The following HPSE2 variants were observed in gnomAD, a reference collection of about 807,000 sequenced individuals.
The protein encoded by HPSE2 is inactive heparanase-2.
A neutral mutation model predicts 60.5 loss-of-function variants in HPSE2; 38 were observed. That is an observed-to-expected ratio of 0.63 (90% CI 0.48 to 0.82). The LOEUF (loss-of-function observed/expected upper bound fraction) is 0.82, where lower values mean the gene tolerates loss of function less well. Ranked by LOEUF, HPSE2 falls within the 40% of genes least tolerant of loss-of-function variation. The pLI is 0.00. For synonymous variants in HPSE2, 295 were observed against 293.2 expected (o/e 1.01, Z -0.06); for missense variants, 713 against 740.4 (o/e 0.96, Z 0.43).
At chr10:98,788,492 T>C (rs994974298) in intron 3 of HPSE2, among the ~76,000 whole-genome samples, 1 of 143,060 alleles carries the variant, frequency 7.0e-6, no homozygotes, top group African/African-American at 2.6e-5. Flanking sequence ...GCTTCCCGGC[T>C]GCTTTGTTTA....
intron 5 of HPSE2, among the ~76,000 whole-genome samples, chr10:98,705,598 C>T (rs993702504): frequency 1.3e-5 from 2 of 152,118 alleles, no homozygotes; most frequent in East Asian, 3.9e-4. Flanking sequence ...AAATCATGTC[C>T]TTTGCAGTGA....
At chr10:99,277,513 A>G in the HPSE2 span, among the ~76,000 whole-genome samples, 1 of 152,240 alleles carries the variant, frequency 6.6e-6, no homozygotes, top group Non-Finnish European at 1.5e-5. Flanking sequence ...AGACAGAAAT[A>G]GTGGAAGAGT....
chr10:98,977,890 A>G (rs541314763), intron 3 of HPSE2, among the ~76,000 whole-genome samples: 6 of 151,398 alleles, frequency 4.0e-5, no homozygotes, highest in Non-Finnish European at 8.8e-5. Flanking sequence ...ATGTATATAA[A>G]TTATATACTA....
chr10:98,746,085 A>C (rs1949621410), intron 3 of HPSE2, among the ~76,000 whole-genome samples: 1 of 152,148 alleles, frequency 6.6e-6, no homozygotes, highest in South Asian at 2.1e-4. Context: ...CTGTCAACTT[A>C]TATCATACTC....
the HPSE2 span, among the ~76,000 whole-genome samples, chr10:99,293,163 T>A: frequency 1.3e-5 from 2 of 151,840 alleles, no homozygotes; most frequent in African/African-American, 4.8e-5. Flanking sequence ...AAAATTGTCA[T>A]AAAATCTTAA....
At chr10:99,036,652 A>T (rs986262981) in intron 3 of HPSE2, among the ~76,000 whole-genome samples, 1 of 152,222 alleles carries the variant, frequency 6.6e-6, no homozygotes, top group Non-Finnish European at 1.5e-5. Flanking sequence ...CAGCATTAGA[A>T]CACCACAATA....
the HPSE2 span, among the ~76,000 whole-genome samples, chr10:99,309,501 T>C: frequency 2.6e-5 from 4 of 152,172 alleles, no homozygotes; most frequent in Non-Finnish European, 5.9e-5. Flanking sequence ...ACCAACCAGA[T>C]GGCTAAAATG....
At chr10:98,990,968 G>A (rs554747908) in intron 3 of HPSE2, among the ~76,000 whole-genome samples, 27 of 152,142 alleles carry the variant, frequency 1.8e-4, no homozygotes, top group East Asian at 1.2e-3. Context: ...CAAACCCCAT[G>A]CCCCAATCAT....
intron 9 of HPSE2, among the ~76,000 whole-genome samples, chr10:98,544,983 C>T (rs4919238): frequency 0.86 from 130,406 of 151,558 alleles, 57,065 homozygotes; most frequent in East Asian, 1. Context: ...TCACCACCAA[C>T]CCCACAGAAA....
rs773647387 is a variant in HPSE2 at position 98,620,624 on chromosome 10, C to T, written c.1183G>A (p.Asp395Asn). 1.2e-5 allele frequency: 20 copies of T among 1,613,780 alleles called. No homozygotes were observed. Among genetic ancestry groups the T allele is most frequent in the East Asian group, 4.5e-5 (2 of 44,886 alleles). ...TSAGGTNNLSDSYAAGFLWLN... is the reference protein window; with the variant it reads ...TSAGGTNNLSNSYAAGFLWLN... ...CACAAGAATCCTGCAGCATAGGAAT[C>T]GGATAGATTGTTTGTGCCTCCAGCT... Residue 395 changes from aspartate (D) to asparagine (N), a missense_variant, in exon 8 of 12, where the codon GAT becomes AAT. Physicochemically the swap from Asp to Asn is conservative, Grantham distance 23. Transcript: ENST00000370552.
chr10:98,629,707 C>T (rs1946310230), intron 7 of HPSE2, among the ~76,000 whole-genome samples: 2 of 152,204 alleles, frequency 1.3e-5, no homozygotes, highest in Admixed American at 1.3e-4. Flanking sequence ...AGCTTAAGAA[C>T]CTTCAGTGGT....
At chr10:98,582,354 C>A (rs12241209) in intron 9 of HPSE2, among the ~76,000 whole-genome samples, 5,166 of 152,226 alleles carry the variant, frequency 0.034, 315 homozygotes, top group African/African-American at 0.12. Flanking sequence ...AAATTGTCAA[C>A]TGTTTTAATA....
chr10:99,047,638 C>T, intron 3 of HPSE2: 1 of 708,596 alleles, frequency 1.4e-6, no homozygotes, highest in Non-Finnish European at 2.5e-6. Context: ...TGGCTGGAAC[C>T]ATGGATGGTG....
At chr10:98,502,381 C>T (rs1302831608) in intron 9 of HPSE2, among the ~76,000 whole-genome samples, 1 of 151,998 alleles carries the variant, frequency 6.6e-6, no homozygotes. Flanking sequence ...AATAGGGAAC[C>T]TAGGAATCAA....
chr10:98,846,245 T>TAA (rs1156952454), intron 3 of HPSE2, among the ~76,000 whole-genome samples: 3 of 152,226 alleles, frequency 2.0e-5, no homozygotes, highest in African/African-American at 4.8e-5. Flanking sequence ...AAATTTTTGA[T>TAA]AACTATGTCA....
chr10:99,170,932 T>A lies in HPSE2; in HGVS notation c.449-26533A>T, dbSNP rs368543538. ...AACAATAGTGTAACAAATATTTACA[T>A]AGTATTTACATTGTATTAAGTATTA... On this transcript the variant is annotated intron_variant, in intron 2 of 11. Coordinates refer to ENST00000370552, the MANE Select transcript of HPSE2 (RefSeq NM_021828.5). Among the ~76,000 whole-genome samples, 3 of 152,354 alleles carry A rather than the reference T, an allele frequency of 2.0e-5. No individual in the cohort carries two copies. The South Asian group carries it at 6.2e-4, about 32-fold the overall frequency.
chr10:98,519,246 T>C (rs75953071), intron 9 of HPSE2, among the ~76,000 whole-genome samples: 3,264 of 152,296 alleles, frequency 0.021, 42 homozygotes, highest in Middle Eastern at 0.044. Context: ...ATTGGACAGA[T>C]AGAAATAACT....
At chr10:99,114,354 G>GTGATA (rs1844589590) in intron 3 of HPSE2, among the ~76,000 whole-genome samples, 1 of 152,186 alleles carries the variant, frequency 6.6e-6, no homozygotes, top group African/African-American at 2.4e-5. Context: ...TTGATGTGAT[G>GTGATA]TCATCAAACT....
At chr10:98,511,416 C>T (rs575493065) in intron 9 of HPSE2, among the ~76,000 whole-genome samples, 3 of 152,096 alleles carry the variant, frequency 2.0e-5, no homozygotes, top group African/African-American at 4.8e-5. Context: ...TCCCAAAGTG[C>T]GGGGATTACA....
Sources: gnomAD v4.1 joint callset for allele counts (sites outside exome capture counted in the v4.1 genomes callset) on GRCh38, gnomAD v4.1.1 for gene constraint, MANE v1.5 for transcripts, NCBI Gene and HGNC (gene_info 2026-07-23, HGNC 2026-07-21) for gene names.